Variants in CACNA1H observed in about 807,000 individuals in gnomAD.
CACNA1H encodes the protein voltage-dependent T-type calcium channel subunit alpha-1H.
A neutral mutation model predicts 192.5 loss-of-function variants in CACNA1H; 149 were observed. That is an observed-to-expected ratio of 0.77 (90% CI 0.68 to 0.89). The LOEUF (loss-of-function observed/expected upper bound fraction) is 0.89. CACNA1H is among the 40% of genes least tolerant of loss of function. The pLI is 0.00. For missense variants in CACNA1H, 4,257 were observed against 3,423.5 expected (o/e 1.24, Z -6.08); for synonymous variants, 2,202 against 1,475.2 (o/e 1.49, Z -11.29).
chr16:1,217,881 C>A, intron 31 of CACNA1H, 38 bp from the exon 32 acceptor site: 1 of 1,561,218 alleles, frequency 6.4e-7, no homozygotes, highest in Non-Finnish European at 8.7e-7. Context: ...CCACCCGGAG[C>A]GGGCTCGGCT....
intron 2 of CACNA1H, among the ~76,000 whole-genome samples, chr16:1,162,127 G>A (rs867232778): frequency 1.3e-5 from 2 of 152,020 alleles, no homozygotes; most frequent in Non-Finnish European, 2.9e-5. Flanking sequence ...GGGACTCCTC[G>A]TCCCCACTCA....
chr16:1,188,875 T>G (rs117177120), intron 2 of CACNA1H, among the ~76,000 whole-genome samples: 5,901 of 152,246 alleles, frequency 0.039, 177 homozygotes, highest in Non-Finnish European at 0.059. Flanking sequence ...GGCTGCTGAT[T>G]CAGCACCATG....
At chr16:1,169,891 C>T (rs116113246) in intron 2 of CACNA1H, among the ~76,000 whole-genome samples, 3,167 of 152,360 alleles carry the variant, frequency 0.021, 107 homozygotes, top group African/African-American at 0.072. Flanking sequence ...ACTGCAGTCA[C>T]GCTGGGAAGC....
Position 1,167,261 on chromosome 16 carries a change from G to T in CACNA1H, c.299+13225G>T, listed in dbSNP as rs188945543. On this transcript the variant is annotated intron_variant, in intron 2 of 34. Transcript: ENST00000348261. The surrounding 1 kb of genome is among the most constrained non-coding windows in gnomAD (Gnocchi z 4.2). ...GGTATGGGCCTCCTGTCAGCAGCCCGTCCCGGTGGGTGGGGCTTGCCGGCC... is the reference window on the plus strand; with the variant it reads ...GGTATGGGCCTCCTGTCAGCAGCCCTTCCCGGTGGGTGGGGCTTGCCGGCC... Among the ~76,000 whole-genome samples the T allele has an allele frequency of 6.6e-6, 1 of 152,290 alleles. No individual in the cohort carries two copies. Among genetic ancestry groups the T allele is most frequent in the South Asian group, 2.1e-4 (1 of 4,824 alleles).
intron 2 of CACNA1H, among the ~76,000 whole-genome samples, chr16:1,175,886 G>A (rs1964834533): frequency 1.3e-5 from 2 of 152,186 alleles, no homozygotes; most frequent in African/African-American, 4.8e-5. Flanking sequence ...ACCTTGGGCT[G>A]CCATTCCTCC....
intron 4 of CACNA1H, 143 bp downstream of exon 4, chr16:1,195,708 C>T (rs1966885446): frequency 1.9e-6 from 2 of 1,076,508 alleles, no homozygotes; most frequent in Non-Finnish European, 2.7e-6. Flanking sequence ...GTCTGGGACT[C>T]CGGAGACCCT....
intron 2 of CACNA1H, among the ~76,000 whole-genome samples, chr16:1,161,195 C>T (rs567500723): frequency 6.6e-6 from 1 of 152,334 alleles, no homozygotes; most frequent in African/African-American, 2.4e-5. Context: ...GGTGTGGGTG[C>T]TTCTGCCGTT....
chr16:1,216,493 G>T (rs971054988), intron 30 of CACNA1H, among the ~76,000 whole-genome samples: 1 of 152,090 alleles, frequency 6.6e-6, no homozygotes, highest in African/African-American at 2.4e-5. Context: ...CCCACCTGCC[G>T]GGACCCCTCA....
intron 2 of CACNA1H, among the ~76,000 whole-genome samples, chr16:1,170,949 C>A (rs1364362858): frequency 2.6e-5 from 4 of 151,986 alleles, no homozygotes; most frequent in Admixed American, 2.6e-4. Flanking sequence ...GGTCTGGGGG[C>A]CTTCTGCTCC....
Position 1,206,105 on chromosome 16 carries a change from G to T in CACNA1H, c.2605G>T (p.Val869Phe), listed in dbSNP as rs531253297. Residue 869 changes from valine to phenylalanine, a missense_variant and splice_region_variant, in exon 12 of 35, where the codon GTC becomes TTC. Coordinates refer to ENST00000348261, the MANE Select transcript of CACNA1H (RefSeq NM_021098.3). ...ACCCTCGCCCCCACCTGTCCGCAGC[G>T]TCTGGGAGATCGTGGGGCAGGCGGA... ...IFDGIIVVIS[V>F]WEIVGQADGG... 2 of 1,575,784 alleles carry T rather than the reference G, an allele frequency of 1.3e-6. No homozygotes were observed. The highest frequency in any genetic ancestry group is 1.2e-5 in the South Asian group (1 of 85,832).
chr16:1,196,843 C>T (rs1284283749), intron 5 of CACNA1H, among the ~76,000 whole-genome samples: 1 of 152,154 alleles, frequency 6.6e-6, no homozygotes, highest in African/African-American at 2.4e-5. Flanking sequence ...TTTAAGCACT[C>T]AGGGCTACAT....
chr16:1,218,007 G>A lies in CACNA1H; in HGVS notation c.5412G>A (p.Val1804=), dbSNP rs1474330900. Residue 1804 remains valine, a synonymous_variant, in exon 32 of 35, where the codon GTG becomes GTA. Transcript: ENST00000348261. ...TGGCCTTCCTCACGCTGTTCCGCGT[G>A]TCCACGGGGGACAACTGGAACGGGA... ...FGMAFLTLFR[V]STGDNWNGIM... is the part of the protein sequence containing the mutation. 6.2e-7 allele frequency: 1 copy of A among 1,601,674 alleles called. No homozygotes were observed. The highest frequency in any genetic ancestry group is 8.5e-7 in the Non-Finnish European group (1 of 1,174,674).
chr16:1,193,361 C>CA (rs1283576618), intron 2 of CACNA1H, among the ~76,000 whole-genome samples: 1 of 152,250 alleles, frequency 6.6e-6, no homozygotes, highest in Non-Finnish European at 1.5e-5. Flanking sequence ...TGGGAGAGGC[C>CA]AAGGGGCCTG....
At chr16:1,196,103 C>A in intron 5 of CACNA1H, 80 bp downstream of exon 5, 1 of 1,132,578 alleles carries the variant, frequency 8.8e-7, no homozygotes, top group Non-Finnish European at 1.3e-6. Context: ...AAAAGGGCCC[C>A]CAGGAGCACA....
chr16:1,211,926 C>T lies in CACNA1H; in HGVS notation c.4567-20C>T. ...CCTGGCGGGGCAGGCGGGCGGGGAC[C>T]CACCGCCTCTGTGCCACAGCCTGTG... is the stretch of plus-strand genomic sequence containing the variant. On this transcript the variant is annotated intron_variant, in intron 24 of 34. Transcript: ENST00000348261. 1.2e-6 allele frequency: 2 copies of T among 1,612,232 alleles called. No individual in the cohort carries two copies. Among genetic ancestry groups the T allele is most frequent in the Non-Finnish European group, 1.7e-6 (2 of 1,179,460 alleles).
chr16:1,219,119 C>T lies in CACNA1H; in HGVS notation c.6037C>T (p.Leu2013Phe), dbSNP rs1190359455. 3 of 1,540,722 alleles carry T rather than the reference C, an allele frequency of 1.9e-6. No individual in the cohort carries two copies. The highest frequency in any genetic ancestry group is 2.0e-5 in the Admixed American group (1 of 50,548). ...TARSPSLSRL[L>F]CRQEAVHTDS... is the part of the protein sequence containing the mutation. ...CCGCTCCCCCAGTCTCAGCCGGCTG[C>T]TCTGCAGACAGGTAGGAGAAGCCGT... The change falls in exon 34 of 35, where the codon CTC becomes TTC. Residue 2013 changes from leucine to phenylalanine, a missense_variant. By Grantham distance (22) the Leu-to-Phe change is conservative. Coordinates refer to ENST00000348261, the MANE Select transcript of CACNA1H (RefSeq NM_021098.3).
chr16:1,214,889 G>C, intron 27 of CACNA1H, 83 bp from the exon 28 acceptor site: 1 of 1,037,880 alleles, frequency 9.6e-7, no homozygotes. Flanking sequence ...GCCAGCGGGG[G>C]CACTCGGGCG....
At chr16:1,176,334 T>C (rs1291714560) in intron 2 of CACNA1H, among the ~76,000 whole-genome samples, 1 of 152,230 alleles carries the variant, frequency 6.6e-6, no homozygotes, top group Non-Finnish European at 1.5e-5. Context: ...GGAGCTCCCC[T>C]GCCCATCCTT....
chr16:1,206,013 G>T, intron 11 of CACNA1H, 91 bp from the exon 12 acceptor site: 1 of 1,269,908 alleles, frequency 7.9e-7, no homozygotes, highest in Non-Finnish European at 1.1e-6. Flanking sequence ...GGCCGCTGTG[G>T]CTCCCTGGCT....
Sources: allele counts gnomAD v4.1 joint callset (sites outside exome capture counted in the v4.1 genomes callset), GRCh38; gene constraint gnomAD v4.1.1; non-coding constraint Gnocchi (gnomAD v3.1); transcripts MANE v1.5; gene names NCBI Gene and HGNC (gene_info 2026-07-23, HGNC 2026-07-21).